Variants in SPINDOC observed in about 807,000 individuals in gnomAD.
The protein encoded by SPINDOC is spindlin interactor and repressor of chromatin-binding protein.
SPINDOC carries 13 observed loss-of-function variants against 30.7 expected under a neutral mutation model. That is an observed-to-expected ratio of 0.42 (90% CI 0.28 to 0.67). The LOEUF is 0.67. SPINDOC is among the 30% of genes least tolerant of loss of function. SPINDOC has a pLI of 0.22. For missense variants in SPINDOC, 438 were observed against 518.0 expected, an observed-to-expected ratio of 0.85 and a Z score of 1.50; for synonymous variants, 228 against 211.4, an observed-to-expected ratio of 1.08 and a Z score of -0.68.
chr11:63,817,869 T>C lies in SPINDOC; in HGVS notation c.192T>C (p.Cys64=). 1 of 1,611,224 alleles carries C rather than the reference T, an allele frequency of 6.2e-7. No individual in the cohort carries two copies. The highest frequency in any genetic ancestry group is 8.5e-7 in the Non-Finnish European group (1 of 1,178,872). The change falls in exon 2 of 6, where the codon TGT becomes TGC. Residue 64 remains cysteine, a synonymous_variant. Coordinates refer to ENST00000294244, the MANE Select transcript of SPINDOC (RefSeq NM_138471.3). Reference sequence around the variant, plus strand: ...CGCTAGAGGCAGGCAGTGATGGCTGTGAGGAGCCGAAGCAGCAGGTGTCTT... The same window carrying C: ...CGCTAGAGGCAGGCAGTGATGGCTGCGAGGAGCCGAAGCAGCAGGTGTCTT... ...PSPLEAGSDG[C]EEPKQQVSWE... is the part of the protein sequence containing the mutation.
At chr11:63,816,114 C>G (rs1194298082) in intron 1 of SPINDOC, among the ~76,000 whole-genome samples, 2 of 152,076 alleles carry the variant, frequency 1.3e-5, no homozygotes, top group African/African-American at 4.8e-5. Flanking sequence ...GTGAACATCC[C>G]AAAAACAAGT....
At position 63,827,210 on chromosome 11, in the gene SPINDOC, C is replaced by T; in HGVS notation, c.*71C>T. ...CCAGTGGCTTATAACTCAGAGCTGC[C>T]TGGCTCACCCACCTGGTGGAGAGAG... On this transcript the variant is annotated 3_prime_UTR_variant, in exon 6 of 6. Transcript: ENST00000294244. The T allele has an allele frequency of 6.4e-7, 1 of 1,566,736 alleles. No individual in the cohort carries two copies. Among genetic ancestry groups the T allele is most frequent in the Middle Eastern group, 1.8e-4 (1 of 5,600 alleles).
chr11:63,820,894 A>AAAAAAAAC (rs1220095104), intron 5 of SPINDOC, among the ~76,000 whole-genome samples: 1 of 146,508 alleles, frequency 6.8e-6, no homozygotes, highest in Admixed American at 6.9e-5. Flanking sequence ...CGTCTCAAAA[A>AAAAAAAAC]AAAAAAAAAA....
At position 63,819,506 on chromosome 11, in the gene SPINDOC, T is replaced by G. The variant is rs560653672; in HGVS notation, c.934+504T>G. Among the ~76,000 whole-genome samples the G allele has an allele frequency of 1.3e-4, 20 of 151,954 alleles. No homozygotes were observed. In the East Asian group the frequency reaches 3.1e-3, roughly 24 times the overall value. ...ACGCCTGGCCTATTTTTTTATTTTT[T>G]ATTTTTTGAGACAAGAGTCTTGCTC... On this transcript the variant is annotated intron_variant, in intron 5 of 5. Transcript: ENST00000294244.
At chr11:63,826,260 C>T (rs1376513367) in intron 5 of SPINDOC, among the ~76,000 whole-genome samples, 2 of 152,174 alleles carry the variant, frequency 1.3e-5, no homozygotes, top group Admixed American at 6.5e-5. Context: ...CCTTTGCACA[C>T]GTCCCTGTTG....
intron 5 of SPINDOC, among the ~76,000 whole-genome samples, chr11:63,821,294 G>C (rs2015514850): frequency 6.6e-6 from 1 of 152,142 alleles, no homozygotes; most frequent in Non-Finnish European, 1.5e-5. Flanking sequence ...TACTGTCCTG[G>C]GTTCCGGCTC....
At chr11:63,826,749 C>T (rs1022491035) in intron 5 of SPINDOC, among the ~76,000 whole-genome samples, 179 bp from the exon 6 acceptor site, 15 of 152,212 alleles carry the variant, frequency 9.9e-5, no homozygotes, top group African/African-American at 3.1e-4. Context: ...CAGCAGTCCT[C>T]GATCACCCAG....
Position 63,827,372 on chromosome 11 carries a change from T to A in SPINDOC, c.*233T>A. On this transcript the variant is annotated 3_prime_UTR_variant, in exon 6 of 6. Coordinates refer to ENST00000294244, the MANE Select transcript of SPINDOC (RefSeq NM_138471.3). The stretch of plus-strand genomic sequence containing the variant: ...CTGTTGTGCAGTAGGGCACTGGGCC[T>A]GTGGAGAACACCTACCCCAGTCCTT... 1 of 658,670 alleles carries A rather than the reference T, an allele frequency of 1.5e-6. No homozygotes were observed. The highest frequency in any genetic ancestry group is 2.5e-6 in the Non-Finnish European group (1 of 393,402). 40.8% of individuals were successfully genotyped at this position (658,670 alleles called of 1,614,324 possible).
Position 63,827,107 on chromosome 11 carries a change from G to T in SPINDOC, c.1114G>T (p.Ala372Ser). Residue 372 changes from alanine (A) to serine (S), a missense_variant, in exon 6 of 6, where the codon GCA (alanine) becomes TCA (serine). Physicochemically the swap from Ala to Ser is moderately conservative, Grantham distance 99. Coordinates refer to ENST00000294244, the MANE Select transcript of SPINDOC (RefSeq NM_138471.3). ...TCTGTCAGAATCCAGCACCACTGTGGCAGGGAAGCCGGAAAAAGGGAATGG... is the reference window on the plus strand; with the variant it reads ...TCTGTCAGAATCCAGCACCACTGTGTCAGGGAAGCCGGAAAAAGGGAATGG... Reference protein sequence around the residue: ...TVLSESSTTVAGKPEKGNGV With the variant: ...TVLSESSTTVSGKPEKGNGV 1 of 1,610,382 alleles carries T rather than the reference G, an allele frequency of 6.2e-7. No individual in the cohort carries two copies. The highest frequency in any genetic ancestry group is 8.5e-7 in the Non-Finnish European group (1 of 1,178,328).
At position 63,818,508 on chromosome 11, in the gene SPINDOC, AG is replaced by A. The variant is rs756555678; in HGVS notation, c.608-17del. The A allele has an allele frequency of 1.0e-4, 167 of 1,610,168 alleles. 1 individual carries two copies. The South Asian group carries it at 1.8e-3, about 17-fold the overall frequency. ...GGGATGGCCTCTTTAAAAGGGTATG[AG>A]GTCTTTTCTTTTTGCAGCTGTCCCT... On this transcript the variant is annotated intron_variant, in intron 3 of 5. Coordinates refer to ENST00000294244, the MANE Select transcript of SPINDOC (RefSeq NM_138471.3). This position sits in a 1 kb window ranked among gnomAD's most constrained non-coding sequence, Gnocchi z 5.3.
chr11:63,813,894 A>T, intron 1 of SPINDOC, 81 bp downstream of exon 1: 1 of 1,395,846 alleles, frequency 7.2e-7, no homozygotes. Flanking sequence ...GGGGTCCGGG[A>T]CCCGGGCACC....
chr11:63,822,401 C>T (rs1045038382), intron 5 of SPINDOC, among the ~76,000 whole-genome samples: 6 of 149,514 alleles, frequency 4.0e-5, no homozygotes, highest in African/African-American at 1.2e-4. Flanking sequence ...AAAAAGGCAG[C>T]GTATTATGTA....
chr11:63,825,825 A>G (rs2015642398), intron 5 of SPINDOC, among the ~76,000 whole-genome samples: 1 of 152,196 alleles, frequency 6.6e-6, no homozygotes, highest in East Asian at 1.9e-4. Context: ...CCACATTTTA[A>G]ATAATCGTGT....
chr11:63,826,933 C>A lies in SPINDOC; in HGVS notation c.940C>A (p.Pro314Thr), dbSNP rs151101840. 52 of 1,520,398 alleles carry A rather than the reference C, an allele frequency of 3.4e-5. No individual in the cohort carries two copies. The East Asian group carries it at 1.1e-3, about 33-fold the overall frequency. The allele number at this position is 1,520,398 out of a possible 1,614,324, so 94.2% of individuals were successfully genotyped here. A position where few individuals can be genotyped will look rare whatever the true frequency, so the allele number is the denominator to read the frequency against. The change falls in exon 6 of 6, where the codon CCT becomes ACT. Residue 314 changes from proline to threonine, a missense_variant. This residue lies in a region of SPINDOC where 300 missense variants were observed against 332.8 expected (regional missense o/e 0.90). Coordinates refer to ENST00000294244, the MANE Select transcript of SPINDOC (RefSeq NM_138471.3). ...CTGCTCTCATCCCTGCCCAGCTCCC[C>A]CTCCGGGGCTCCGCGGGACACTGGA... ...PRAESPSPAPPPGLRGTLDLQ... is the reference protein window; with the variant it reads ...PRAESPSPAPTPGLRGTLDLQ...
intron 5 of SPINDOC, chr11:63,822,753 C>A (rs1369711486): frequency 7.8e-7 from 1 of 1,288,948 alleles, no homozygotes; most frequent in East Asian, 5.5e-5. Context: ...CTGACCTCTT[C>A]CACTGTCTAA....
intron 5 of SPINDOC, chr11:63,823,022 C>T (rs1024124449): frequency 9.5e-7 from 1 of 1,048,296 alleles, no homozygotes; most frequent in African/African-American, 1.7e-5. Context: ...CCTGGGAAAC[C>T]ATAGAGGATA....
rs541966920 is a variant in SPINDOC, at chr11:63,818,708, C to T, written c.733+56C>T. 10 of 1,611,824 alleles carry T rather than the reference C, an allele frequency of 6.2e-6. No individual in the cohort carries two copies. The East Asian group carries it at 2.0e-4, about 32-fold the overall frequency. On this transcript the variant is annotated intron_variant, in intron 4 of 5. Transcript: ENST00000294244. This position sits in a 1 kb window ranked among gnomAD's most constrained non-coding sequence, Gnocchi z 5.3. ...TCTGGCCGCAGTGCTCTGAGGAAAT[C>T]CGCATCAGTGAGGATGGAGCAGGGC...
At chr11:63,814,111 G>C (rs761413120) in intron 1 of SPINDOC, among the ~76,000 whole-genome samples, 1 of 152,204 alleles carries the variant, frequency 6.6e-6, no homozygotes, top group Non-Finnish European at 1.5e-5. Context: ...CCCTCTCCCG[G>C]GCCCAGCACC....
At chr11:63,822,356 T>TA (rs753315518) in intron 5 of SPINDOC, among the ~76,000 whole-genome samples, 3,407 of 58,612 alleles carry the variant, frequency 0.058, 218 homozygotes, top group African/African-American at 0.15. Flanking sequence ...CTAGACTGTC[T>TA]AAAAAAAAAA....
Sources: gnomAD v4.1 joint callset for allele counts (sites outside exome capture counted in the v4.1 genomes callset) on GRCh38, gnomAD v4.1.1 for gene constraint, gnomAD v4.1.1 regional missense constraint, Gnocchi (gnomAD v3.1) non-coding constraint, MANE v1.5 for transcripts, NCBI Gene and HGNC (gene_info 2026-07-23, HGNC 2026-07-21) for gene names.